Variants in R3HDM2 observed in about 807,000 individuals in gnomAD.
R3HDM2 encodes the protein R3H domain-containing protein 2.
Under a neutral mutation model 124.5 loss-of-function variants are expected in R3HDM2, and 38 were observed. The observed-to-expected ratio is 0.31, with a 90% CI of 0.24 to 0.40. R3HDM2 has a LOEUF of 0.40. R3HDM2 is among the 10% of genes least tolerant of loss of function. R3HDM2 has a pLI of 1.00. For missense variants in R3HDM2, 869 were observed against 1,236.9 expected (o/e 0.70, Z 4.46); for synonymous variants, 391 against 448.0 (o/e 0.87, Z 1.61).
chr12:57,372,264 C>T (rs2063476677), intron 2 of R3HDM2, among the ~76,000 whole-genome samples: 1 of 152,134 alleles, frequency 6.6e-6, no homozygotes, highest in Non-Finnish European at 1.5e-5. Flanking sequence ...AAGACAGACA[C>T]GTGGGTCCTA....
At chr12:57,304,147 G>A (rs2051980757) in intron 3 of R3HDM2, among the ~76,000 whole-genome samples, 1 of 152,088 alleles carries the variant, frequency 6.6e-6, no homozygotes, top group Admixed American at 6.6e-5. Flanking sequence ...CCCTCCCTGA[G>A]TTATCAGGAT....
intron 2 of R3HDM2, among the ~76,000 whole-genome samples, chr12:57,337,798 C>T (rs1260604596): frequency 3.3e-5 from 5 of 152,186 alleles, no homozygotes; most frequent in South Asian, 2.1e-4. Flanking sequence ...GCCCCAGACT[C>T]GAATCATAGG....
At chr12:57,370,647 A>G (rs906994449) in intron 2 of R3HDM2, among the ~76,000 whole-genome samples, 1 of 152,154 alleles carries the variant, frequency 6.6e-6, no homozygotes, top group Non-Finnish European at 1.5e-5. Flanking sequence ...TCTCAAAAGA[A>G]AAATAAAATA....
chr12:57,396,009 TA>T (rs57411817), intron 1 of R3HDM2, among the ~76,000 whole-genome samples, 191 bp from the exon 2 acceptor site: 1 of 152,084 alleles, frequency 6.6e-6, no homozygotes, highest in Non-Finnish European at 1.5e-5. Context: ...AATTTACAAT[TA>T]AAAAAACCCT....
At chr12:57,360,913 G>A (rs150504309) in intron 2 of R3HDM2, among the ~76,000 whole-genome samples, 66 of 151,826 alleles carry the variant, frequency 4.3e-4, no homozygotes, top group African/African-American at 1.4e-3. Context: ...TTAACCAGCC[G>A]TGGTGGGGGG....
chr12:57,309,048 A>G (rs2053361803), intron 3 of R3HDM2, among the ~76,000 whole-genome samples: 1 of 152,260 alleles, frequency 6.6e-6, no homozygotes, highest in Admixed American at 6.5e-5. Context: ...GACGAAAAAC[A>G]GTAGAAAAGC....
At chr12:57,382,955 C>T (rs1381767011) in intron 2 of R3HDM2, among the ~76,000 whole-genome samples, 1 of 152,120 alleles carries the variant, frequency 6.6e-6, no homozygotes, top group Admixed American at 6.5e-5. Flanking sequence ...ACTGCAACCT[C>T]TCACTGCAAC....
At chr12:57,349,730 T>G (rs2060486089) in intron 2 of R3HDM2, among the ~76,000 whole-genome samples, 1 of 151,758 alleles carries the variant, frequency 6.6e-6, no homozygotes, top group African/African-American at 2.4e-5. Context: ...CCGGCTAATT[T>G]TCTGTATTTT....
At chr12:57,325,904 C>CT (rs2057256966) in intron 2 of R3HDM2, among the ~76,000 whole-genome samples, 1 of 151,896 alleles carries the variant, frequency 6.6e-6, no homozygotes, top group African/African-American at 2.4e-5. Context: ...TCAGGCAAGT[C>CT]TATCGGCACC....
chr12:57,294,995 G>A (rs1293756771), intron 10 of R3HDM2, among the ~76,000 whole-genome samples: 3 of 152,208 alleles, frequency 2.0e-5, no homozygotes, highest in Admixed American at 6.5e-5. Context: ...GATAAGAGTT[G>A]AAGTGGGACA....
intron 1 of R3HDM2, among the ~76,000 whole-genome samples, chr12:57,406,321 C>CAA (rs371243114): frequency 3.8e-4 from 21 of 55,246 alleles, no homozygotes; most frequent in East Asian, 5.5e-4. Flanking sequence ...AACTCCGTCT[C>CAA]AAAAAAAAAA....
chr12:57,418,635 C>G (rs1034003480), intron 1 of R3HDM2, among the ~76,000 whole-genome samples: 2 of 151,632 alleles, frequency 1.3e-5, no homozygotes, highest in African/African-American at 4.8e-5. Flanking sequence ...CTCAGCTCAC[C>G]GCAACCTCTG....
At chr12:57,428,120 A>C (rs1271518774) in intron 1 of R3HDM2, among the ~76,000 whole-genome samples, 2 of 143,634 alleles carry the variant, frequency 1.4e-5, no homozygotes, top group African/African-American at 5.2e-5. Flanking sequence ...ACTCCATCTC[A>C]AAAAAAAAAA....
intron 2 of R3HDM2, among the ~76,000 whole-genome samples, chr12:57,367,825 AT>A (rs953145449): frequency 8.5e-5 from 13 of 152,170 alleles, no homozygotes; most frequent in Middle Eastern, 3.4e-3. Flanking sequence ...TTCAATCATT[AT>A]TTTTTTATTT....
At chr12:57,267,726 C>A (rs1459880011) in intron 18 of R3HDM2, among the ~76,000 whole-genome samples, 1 of 152,166 alleles carries the variant, frequency 6.6e-6, no homozygotes, top group African/African-American at 2.4e-5. Context: ...GACTCCAGTT[C>A]TTGTTCCACC....
chr12:57,255,883 C>T, intron 23 of R3HDM2, 107 bp downstream of exon 23: 2 of 940,300 alleles, frequency 2.1e-6, no homozygotes, highest in Non-Finnish European at 3.3e-6. Context: ...AAGGGTCCCA[C>T]TTCCACTCCC....
intron 22 of R3HDM2, 136 bp downstream of exon 22, chr12:57,256,278 G>A: frequency 1.1e-6 from 1 of 893,548 alleles, no homozygotes; most frequent in Non-Finnish European, 1.7e-6. Context: ...CATGAGTATA[G>A]GAGGTAGGGC....
At chr12:57,426,783 A>G (rs758705183) in intron 1 of R3HDM2, among the ~76,000 whole-genome samples, 6 of 152,216 alleles carry the variant, frequency 3.9e-5, no homozygotes, top group Admixed American at 1.3e-4. Context: ...CATCCCCAGA[A>G]AAAACATCTC....
intron 18 of R3HDM2, among the ~76,000 whole-genome samples, chr12:57,267,294 C>T (rs927241625): frequency 2.6e-5 from 4 of 151,826 alleles, no homozygotes; most frequent in Admixed American, 2.6e-4. Context: ...CAGTGGCTTA[C>T]GCCTGTAATC....
Sources: gnomAD v4.1 joint callset for allele counts (sites outside exome capture counted in the v4.1 genomes callset) on GRCh38, gnomAD v4.1.1 for gene constraint, MANE v1.5 for transcripts, NCBI Gene and HGNC (gene_info 2026-07-23, HGNC 2026-07-21) for gene names.